THSD4: variants seen among roughly 807,000 people sequenced by gnomAD.
The protein encoded by THSD4 is thrombospondin type-1 domain-containing protein 4.
In THSD4, 69 loss-of-function variants were observed where a neutral mutation model predicts 119.0. The observed-to-expected ratio is 0.58, with a 90% confidence interval of 0.48 to 0.71. The LOEUF (loss-of-function observed/expected upper bound fraction) is 0.71. Ranked by LOEUF, THSD4 falls within the 30% of genes least tolerant of loss-of-function variation. THSD4 has a pLI of 0.00. For missense variants in THSD4, 1,393 were observed against 1,391.1 expected (o/e 1.00, Z -0.02); for synonymous variants, 524 against 540.4 (o/e 0.97, Z 0.42).
chr15:71,581,760 C>T (rs4131379), intron 7 of THSD4, among the ~76,000 whole-genome samples: 52,248 of 152,028 alleles, frequency 0.34, 9,667 homozygotes, highest in Middle Eastern at 0.43. Context: ...CCAGCACCAT[C>T]TGAGAGACTA....
At chr15:71,252,433 A>T (rs2044269630) in intron 5 of THSD4, among the ~76,000 whole-genome samples, 1 of 152,222 alleles carries the variant, frequency 6.6e-6, no homozygotes, top group Admixed American at 6.5e-5. Flanking sequence ...ATGAAACAGG[A>T]TTTCCCAGGC....
chr15:71,639,927 C>T (rs989642193), intron 7 of THSD4, among the ~76,000 whole-genome samples: 3 of 151,814 alleles, frequency 2.0e-5, no homozygotes, highest in Non-Finnish European at 4.4e-5. Context: ...ATAAAACTTA[C>T]TTTAGCTTCA....
chr15:71,109,532 G>T (rs964299334), intron 1 of THSD4, among the ~76,000 whole-genome samples: 12 of 152,202 alleles, frequency 7.9e-5, no homozygotes, highest in African/African-American at 2.7e-4. Context: ...CTCCCAACAG[G>T]TATAATTAGG....
rs116779947 is a variant in THSD4, at chr15:71,708,947, G to A, written c.1358-19602G>A. Among the ~76,000 whole-genome samples, 400 of 152,318 alleles carry A rather than the reference G, an allele frequency of 2.6e-3. 1 individual carries two copies. The highest frequency in any genetic ancestry group is 8.6e-3 in the African/African-American group (359 of 41,574). Reference sequence around the variant, plus strand: ...GGGTGGCCCTGGAACACTGCCACACGAAGCAGCGCTAAGCCGAGGTTTCCC... The same window carrying A: ...GGGTGGCCCTGGAACACTGCCACACAAAGCAGCGCTAAGCCGAGGTTTCCC... On this transcript the variant is annotated intron_variant, in intron 8 of 17. Coordinates refer to ENST00000261862, the MANE Select transcript of THSD4 (RefSeq NM_024817.3).
chr15:71,466,856 A>G (rs975702256), intron 7 of THSD4, among the ~76,000 whole-genome samples: 2 of 152,146 alleles, frequency 1.3e-5, no homozygotes, highest in African/African-American at 4.8e-5. Context: ...TTCTAGCTAC[A>G]CTGGACTGGG....
chr15:71,257,308 A>T (rs1234410400), intron 6 of THSD4, among the ~76,000 whole-genome samples: 1 of 152,190 alleles, frequency 6.6e-6, no homozygotes, highest in Admixed American at 6.5e-5. Flanking sequence ...TCCAGATGAT[A>T]ACATGGCTTG....
chr15:71,551,457 G>T (rs372356042), intron 7 of THSD4, among the ~76,000 whole-genome samples: 4 of 152,200 alleles, frequency 2.6e-5, no homozygotes, highest in Admixed American at 1.3e-4. Context: ...TTTGAACTGA[G>T]GCTTGAAGGG....
chr15:71,649,682 C>A (rs1030780742), intron 7 of THSD4, among the ~76,000 whole-genome samples: 1 of 152,146 alleles, frequency 6.6e-6, no homozygotes. Context: ...TTTGCCAGTT[C>A]CTATGTCCAG....
chr15:71,543,971 T>A (rs561810677), intron 7 of THSD4, among the ~76,000 whole-genome samples: 2 of 152,280 alleles, frequency 1.3e-5, no homozygotes, highest in East Asian at 3.9e-4. Flanking sequence ...GAGGTTGCAA[T>A]GAGCTGAGGT....
intron 6 of THSD4, among the ~76,000 whole-genome samples, chr15:71,316,537 T>C (rs1286769596): frequency 6.9e-6 from 1 of 145,506 alleles, no homozygotes; most frequent in African/African-American, 2.6e-5. Flanking sequence ...GAGTTCTAGG[T>C]GTCATTTGGC....
chr15:71,719,841 A>G (rs1234673965), intron 8 of THSD4, among the ~76,000 whole-genome samples: 2 of 151,728 alleles, frequency 1.3e-5, no homozygotes, highest in Admixed American at 6.6e-5. Context: ...ACACTTGGCT[A>G]TTTTGTTAAT....
At chr15:71,544,958 A>G (rs2048814663) in intron 7 of THSD4, among the ~76,000 whole-genome samples, 1 of 152,214 alleles carries the variant, frequency 6.6e-6, no homozygotes, top group Non-Finnish European at 1.5e-5. Flanking sequence ...CTAGACCAGG[A>G]AAACTCATGG....
intron 8 of THSD4, among the ~76,000 whole-genome samples, chr15:71,670,737 C>T (rs1030905456): frequency 6.6e-6 from 1 of 151,768 alleles, no homozygotes; most frequent in Admixed American, 6.6e-5. Context: ...TGAGTGAGAA[C>T]ATGCGGTGTT....
chr15:71,360,540 C>CT (rs748184030), intron 6 of THSD4, among the ~76,000 whole-genome samples: 28 of 152,324 alleles, frequency 1.8e-4, no homozygotes, highest in Non-Finnish European at 3.5e-4. Context: ...TTCTAGTCTA[C>CT]TACTGCCACC....
intron 7 of THSD4, among the ~76,000 whole-genome samples, chr15:71,656,770 C>A (rs189185130): frequency 2.1e-3 from 323 of 152,292 alleles, no homozygotes; most frequent in Non-Finnish European, 2.7e-3. Context: ...GGCAAATTAA[C>A]CTGTCTTCTA....
chr15:71,579,053 C>A (rs985402025), intron 7 of THSD4, among the ~76,000 whole-genome samples: 3 of 151,920 alleles, frequency 2.0e-5, no homozygotes, highest in Non-Finnish European at 2.9e-5. Flanking sequence ...ACGTGTTAGC[C>A]AGGATAGTCT....
chr15:71,759,822 G>T (rs1477607307), intron 15 of THSD4, among the ~76,000 whole-genome samples: 1 of 152,078 alleles, frequency 6.6e-6, no homozygotes, highest in Non-Finnish European at 1.5e-5. Context: ...AACCAAGGGT[G>T]GTATGAACCC....
intron 5 of THSD4, among the ~76,000 whole-genome samples, chr15:71,255,885 C>T (rs1561884): frequency 0.61 from 92,168 of 152,042 alleles, 28,150 homozygotes; most frequent in Admixed American, 0.68. Flanking sequence ...ACATGTCTGC[C>T]GTGGCTACTA....
chr15:71,185,973 TAAAC>T (rs2043597340), intron 3 of THSD4: 3 of 152,236 alleles, frequency 2.0e-5, no homozygotes. Context: ...CAACGTTTGT[TAAAC>T]ACTTTCTGTA....
Sources: gnomAD v4.1 joint callset for allele counts (sites outside exome capture counted in the v4.1 genomes callset) on GRCh38, gnomAD v4.1.1 for gene constraint, MANE v1.5 for transcripts, NCBI Gene and HGNC (gene_info 2026-07-23, HGNC 2026-07-21) for gene names.